The following SIPA1L3 variants were observed in gnomAD, a reference collection of about 807,000 sequenced individuals.
SIPA1L3 encodes the protein signal-induced proliferation-associated 1-like protein 3.
In SIPA1L3, 59 loss-of-function variants were observed where a neutral mutation model predicts 150.1. The ratio of observed to expected loss-of-function variants is 0.39; its 90% CI spans 0.32 to 0.49. SIPA1L3 has a LOEUF of 0.49. SIPA1L3 is among the 20% of genes least tolerant of loss of function. The pLI, the probability that SIPA1L3 is intolerant of heterozygous loss-of-function variation, is 0.86. For missense variants in SIPA1L3, 2,211 were observed against 2,489.5 expected (o/e 0.89, Z 2.38); for synonymous variants, 1,070 against 1,077.6 (o/e 0.99, Z 0.14).
chr19:37,936,638 C>A (rs2046603243), intron 1 of SIPA1L3, among the ~76,000 whole-genome samples: 1 of 152,210 alleles, frequency 6.6e-6, no homozygotes, highest in South Asian at 2.1e-4. Context: ...ATTGTTATCA[C>A]CCCCTCTTCT....
chr19:37,952,720 A>G (rs1462640586), intron 1 of SIPA1L3, among the ~76,000 whole-genome samples: 1 of 152,206 alleles, frequency 6.6e-6, no homozygotes. Flanking sequence ...TCCAGAAATG[A>G]TTTGTATGAA....
intron 6 of SIPA1L3, among the ~76,000 whole-genome samples, chr19:38,101,926 C>T (rs907436611): frequency 6.6e-6 from 1 of 152,214 alleles, no homozygotes; most frequent in African/African-American, 2.4e-5. Flanking sequence ...GATGAACTGG[C>T]ACCACAGGCA....
In SIPA1L3 at chr19:38,198,377, CT is replaced by C; in HGVS notation, c.4841-11del. 1 of 1,531,358 alleles carries C rather than the reference CT, an allele frequency of 6.5e-7. No homozygotes were observed. The highest frequency in any genetic ancestry group is 1.4e-5 in the African/African-American group (1 of 71,468). 94.9% of individuals were successfully genotyped at this position (1,531,358 alleles called of 1,614,324 possible). A position where few individuals can be genotyped will look rare whatever the true frequency, so the allele number is the denominator to read the frequency against. On this transcript the variant is annotated splice_polypyrimidine_tract_variant and intron_variant, in intron 18 of 21. Coordinates refer to ENST00000222345, the MANE Select transcript of SIPA1L3 (RefSeq NM_015073.3). ...ACACTCAACCACTGCCATCTCCACCCTCCCCATCCAGCCACCATCTCAGCCT... is the reference window on the plus strand; with the variant it reads ...ACACTCAACCACTGCCATCTCCACCCCCCCATCCAGCCACCATCTCAGCCT...
rs1487158713 is a variant in SIPA1L3 at position 38,047,218 on chromosome 19, C to G, written c.-311+18062C>G. ...CTATACTTCCTGCCAGCCTGTTCTCCCCCGCCGACACACACGCACGCACAC... is the reference window on the plus strand; with the variant it reads ...CTATACTTCCTGCCAGCCTGTTCTCGCCCGCCGACACACACGCACGCACAC... On this transcript the variant is annotated intron_variant, in intron 2 of 21. Coordinates refer to ENST00000222345, the MANE Select transcript of SIPA1L3 (RefSeq NM_015073.3). The surrounding 1 kb of genome is among the most constrained non-coding windows in gnomAD (Gnocchi z 4.7). Among the ~76,000 whole-genome samples, 1 of 152,128 alleles carries G rather than the reference C, an allele frequency of 6.6e-6. No homozygotes were observed. The highest frequency in any genetic ancestry group is 2.4e-5 in the African/African-American group (1 of 41,408).
At position 38,063,432 on chromosome 19, in the gene SIPA1L3, G is replaced by A. The variant is rs1000397180; in HGVS notation, c.-310-17824G>A. On this transcript the variant is annotated intron_variant, in intron 2 of 21. Coordinates refer to ENST00000222345, the MANE Select transcript of SIPA1L3 (RefSeq NM_015073.3). ...AGCCACCCTCAGCCCGGCCCCCAGCGGCAGGATGGAAAGAGTGGGACTTTA... is the reference window on the plus strand; with the variant it reads ...AGCCACCCTCAGCCCGGCCCCCAGCAGCAGGATGGAAAGAGTGGGACTTTA... Among the ~76,000 whole-genome samples the A allele has an allele frequency of 3.3e-5, 5 of 152,204 alleles. No homozygotes were observed. In the East Asian group the frequency reaches 5.8e-4, roughly 18 times the overall value.
chr19:38,150,339 A>C (rs1223820152), intron 12 of SIPA1L3, among the ~76,000 whole-genome samples: 1 of 151,998 alleles, frequency 6.6e-6, no homozygotes, highest in Non-Finnish European at 1.5e-5. Context: ...CATTGAAGCC[A>C]GGGGATTAGG....
chr19:38,167,304 C>A (rs1972232736), intron 15 of SIPA1L3, among the ~76,000 whole-genome samples: 1 of 151,240 alleles, frequency 6.6e-6, no homozygotes, highest in South Asian at 2.1e-4. Context: ...TACTTTGATC[C>A]AGTCTACTCT....
chr19:38,030,234 G>T (rs928922337), intron 2 of SIPA1L3, among the ~76,000 whole-genome samples: 1 of 152,026 alleles, frequency 6.6e-6, no homozygotes, highest in African/African-American at 2.4e-5. Flanking sequence ...CAGCCCCACC[G>T]CCCCACTATG....
chr19:37,913,787 C>CG (rs1332956110), intron 1 of SIPA1L3, among the ~76,000 whole-genome samples: 1 of 149,818 alleles, frequency 6.7e-6, no homozygotes, highest in Non-Finnish European at 1.5e-5. Flanking sequence ...GAGGCTGAGG[C>CG]GGGCAGATCA....
chr19:38,112,015 GCACA>G (rs1046344476), intron 8 of SIPA1L3, among the ~76,000 whole-genome samples: 1 of 136,712 alleles, frequency 7.3e-6, no homozygotes, highest in African/African-American at 2.8e-5. Context: ...GCACACACAT[GCACA>G]CACACGTATG....
intron 2 of SIPA1L3, among the ~76,000 whole-genome samples, chr19:38,075,908 C>T (rs569342557): frequency 1.3e-4 from 20 of 152,252 alleles, no homozygotes. Context: ...CTTTGGGAAG[C>T]CGAGGTAGGC....
chr19:38,136,461 G>T (rs188860404), intron 10 of SIPA1L3, among the ~76,000 whole-genome samples: 1 of 151,958 alleles, frequency 6.6e-6, no homozygotes, highest in Non-Finnish European at 1.5e-5. Flanking sequence ...AAATGTAGCC[G>T]GGCATGGTGG....
chr19:38,009,222 G>A (rs1012024927), intron 1 of SIPA1L3, among the ~76,000 whole-genome samples: 1 of 152,032 alleles, frequency 6.6e-6, no homozygotes, highest in African/African-American at 2.4e-5. Flanking sequence ...GTTTCACCAC[G>A]TTGGTCAGGC....
intron 1 of SIPA1L3, among the ~76,000 whole-genome samples, chr19:37,971,665 AG>A (rs1568484329): frequency 6.6e-6 from 1 of 152,010 alleles, no homozygotes; most frequent in Non-Finnish European, 1.5e-5. Context: ...CCCAGGTTCA[AG>A]CAGTTCTCCT....
chr19:38,070,432 G>A (rs1397863924), intron 2 of SIPA1L3, among the ~76,000 whole-genome samples: 5 of 152,066 alleles, frequency 3.3e-5, no homozygotes, highest in South Asian at 2.1e-4. Context: ...TTTCTCTGGC[G>A]TTTCTCTACT....
intron 8 of SIPA1L3, among the ~76,000 whole-genome samples, chr19:38,111,636 AG>A (rs1260500575): frequency 6.6e-6 from 1 of 152,196 alleles, no homozygotes; most frequent in Non-Finnish European, 1.5e-5. Flanking sequence ...GGGGCATCCC[AG>A]CCTGCAGCGC....
At chr19:38,182,924 C>A in intron 16 of SIPA1L3, 184 bp downstream of exon 16, 1 of 561,052 alleles carries the variant, frequency 1.8e-6, no homozygotes, top group Admixed American at 3.4e-5. Flanking sequence ...AGCTGGCATT[C>A]CATTTGGGGT....
At chr19:38,171,456 A>G (rs1376972343) in intron 15 of SIPA1L3, among the ~76,000 whole-genome samples, 2 of 141,566 alleles carry the variant, frequency 1.4e-5, no homozygotes, top group Non-Finnish European at 3.0e-5. Flanking sequence ...GCAATGGCAC[A>G]GTCTCAGCTC....
intron 1 of SIPA1L3, among the ~76,000 whole-genome samples, chr19:37,976,504 C>T (rs1365772680): frequency 6.6e-6 from 1 of 152,152 alleles, no homozygotes; most frequent in Non-Finnish European, 1.5e-5. Flanking sequence ...GAAATCAACT[C>T]AGGCACCCTG....
Sources: allele counts gnomAD v4.1 joint callset (sites outside exome capture counted in the v4.1 genomes callset), GRCh38; gene constraint gnomAD v4.1.1; non-coding constraint Gnocchi (gnomAD v3.1); transcripts MANE v1.5; gene names NCBI Gene and HGNC (gene_info 2026-07-23, HGNC 2026-07-21).